CDH6: variants seen among roughly 807,000 people sequenced by gnomAD.
The protein encoded by CDH6 is cadherin-6.
Under a neutral mutation model 78.0 loss-of-function variants are expected in CDH6, and 31 were observed. The ratio of observed to expected loss-of-function variants is 0.40; its 90% CI spans 0.30 to 0.54. The LOEUF (loss-of-function observed/expected upper bound fraction) is 0.54, where lower values mean the gene tolerates loss of function less well. Ranked by LOEUF, CDH6 falls within the 20% of genes least tolerant of loss-of-function variation. CDH6 has a pLI of 0.56. For missense variants in CDH6, 724 were observed against 975.9 expected (o/e 0.74, Z 3.44); for synonymous variants, 376 against 368.8 (o/e 1.02, Z -0.23).
At chr5:31,251,227 T>C (rs1376131211) in intron 1 of CDH6, 1 of 152,250 alleles carries the variant, frequency 6.6e-6, no homozygotes. Context: ...CTCCTCTCAC[T>C]TAATGGCCTA....
At chr5:31,313,568 G>T (rs552471855) in intron 8 of CDH6, 114 bp downstream of exon 8, 11 of 1,002,736 alleles carry the variant, frequency 1.1e-5, no homozygotes, top group Middle Eastern at 2.3e-4. Context: ...GATATATATT[G>T]AGGGAAAAAG....
At chr5:31,223,608 G>T (rs1741061302) in intron 1 of CDH6, among the ~76,000 whole-genome samples, 1 of 152,114 alleles carries the variant, frequency 6.6e-6, no homozygotes. Context: ...GCTATGGAAT[G>T]ATTTGTCTTT....
At chr5:31,228,205 T>G (rs1308787687) in intron 1 of CDH6, among the ~76,000 whole-genome samples, 1 of 152,240 alleles carries the variant, frequency 6.6e-6, no homozygotes. Flanking sequence ...TTTTAAGGTC[T>G]AAGGACCTTT....
intron 1 of CDH6, among the ~76,000 whole-genome samples, chr5:31,213,215 C>T (rs1284854420): frequency 6.6e-6 from 1 of 152,154 alleles, no homozygotes; most frequent in African/African-American, 2.4e-5. Context: ...AATGTTAGAA[C>T]TCAAACAATG....
chr5:31,207,403 C>T (rs964238671), intron 1 of CDH6, among the ~76,000 whole-genome samples: 4 of 152,170 alleles, frequency 2.6e-5, no homozygotes, highest in African/African-American at 9.7e-5. Flanking sequence ...ATTGGATCTT[C>T]AGGACAAAGA....
intron 8 of CDH6, among the ~76,000 whole-genome samples, 174 bp from the exon 9 acceptor site, chr5:31,316,034 T>C (rs1738315052): frequency 6.6e-6 from 1 of 152,236 alleles, no homozygotes; most frequent in Admixed American, 6.5e-5. Flanking sequence ...ACTCCAGATG[T>C]ACCAAACAAT....
intron 1 of CDH6, among the ~76,000 whole-genome samples, chr5:31,238,089 A>G (rs1276626614): frequency 1.3e-5 from 2 of 152,202 alleles, no homozygotes; most frequent in East Asian, 3.9e-4. Flanking sequence ...TGAAATTAGG[A>G]CCATCTAAAT....
chr5:31,255,990 G>A (rs914278705), intron 1 of CDH6, among the ~76,000 whole-genome samples: 4 of 152,110 alleles, frequency 2.6e-5, no homozygotes, highest in East Asian at 1.9e-4. Context: ...GTGTTTCAAC[G>A]CTAACAGGCA....
intron 1 of CDH6, among the ~76,000 whole-genome samples, chr5:31,198,242 A>T (rs1285319399): frequency 1.3e-5 from 2 of 152,204 alleles, no homozygotes; most frequent in Non-Finnish European, 2.9e-5. Context: ...ATATGCAGAG[A>T]CTATTAAAGA....
chr5:31,316,504 G>A (rs566427777), intron 9 of CDH6, among the ~76,000 whole-genome samples, 175 bp downstream of exon 9: 6 of 152,166 alleles, frequency 3.9e-5, no homozygotes, highest in Non-Finnish European at 7.3e-5. Flanking sequence ...TAACAGTTTC[G>A]AAGAACTGGA....
intron 1 of CDH6, among the ~76,000 whole-genome samples, chr5:31,235,239 T>TTTC (rs1741421887): frequency 7.0e-6 from 1 of 142,934 alleles, no homozygotes; most frequent in African/African-American, 2.8e-5. Context: ...CCTTTTTCTT[T>TTTC]TTTTTTTTTT....
chr5:31,285,949 A>T (rs1434453232), intron 2 of CDH6, among the ~76,000 whole-genome samples: 2 of 152,202 alleles, frequency 1.3e-5, no homozygotes, highest in Non-Finnish European at 2.9e-5. Flanking sequence ...GTTTAGTAGT[A>T]ATTGATAAAT....
rs144519401 is a variant in CDH6, at chr5:31,244,234, A to G, written c.-128-23112A>G. 2.2e-4 allele frequency among the ~76,000 whole-genome samples: 34 copies of G among 152,348 alleles called. 1 individual carries two copies. In the East Asian group the frequency reaches 6.4e-3, roughly 28 times the overall value. On this transcript the variant is annotated intron_variant, in intron 1 of 11. Transcript: ENST00000265071. ...TTATCAAGACAATGTAGACAAGGAT[A>G]GAGATGCAACTCCCATCCTGTGCAG...
At chr5:31,261,402 T>A (rs1225779458) in intron 1 of CDH6, among the ~76,000 whole-genome samples, 1 of 152,170 alleles carries the variant, frequency 6.6e-6, no homozygotes, top group Non-Finnish European at 1.5e-5. Context: ...AAGAGTTCTA[T>A]ATTTATGGGT....
At chr5:31,238,511 TTTC>T (rs541054587) in intron 1 of CDH6, among the ~76,000 whole-genome samples, 49 of 152,326 alleles carry the variant, frequency 3.2e-4, no homozygotes, top group African/African-American at 9.6e-4. Context: ...AAATTGTTTT[TTTC>T]TTCTTCTTTT....
chr5:31,304,878 A>G (rs1041971013), intron 6 of CDH6, among the ~76,000 whole-genome samples: 1 of 151,730 alleles, frequency 6.6e-6, no homozygotes, highest in African/African-American at 2.4e-5. Context: ...GTACCTCACT[A>G]CCCACTTTTA....
intron 1 of CDH6, among the ~76,000 whole-genome samples, chr5:31,194,374 G>C (rs1740103239): frequency 6.6e-6 from 1 of 152,192 alleles, no homozygotes; most frequent in Non-Finnish European, 1.5e-5. Flanking sequence ...GACTGCTTGG[G>C]CTGAGTTACA....
At chr5:31,309,246 G>A (rs1738081310) in intron 7 of CDH6, among the ~76,000 whole-genome samples, 1 of 152,032 alleles carries the variant, frequency 6.6e-6, no homozygotes, top group Non-Finnish European at 1.5e-5. Context: ...TAAATGGCCT[G>A]TGATAATTGA....
At chr5:31,306,522 C>A (rs1377230634) in intron 7 of CDH6, among the ~76,000 whole-genome samples, 1 of 152,146 alleles carries the variant, frequency 6.6e-6, no homozygotes, top group Non-Finnish European at 1.5e-5. Flanking sequence ...GTAATCCCAG[C>A]ACTTTGGGAG....
Sources: allele counts gnomAD v4.1 joint callset (sites outside exome capture counted in the v4.1 genomes callset), GRCh38; gene constraint gnomAD v4.1.1; transcripts MANE v1.5; gene names NCBI Gene and HGNC (gene_info 2026-07-23, HGNC 2026-07-21).